INSR: variants seen among roughly 807,000 people sequenced by gnomAD.
The protein encoded by INSR is insulin receptor, also known as IR.
INSR carries 67 observed loss-of-function variants against 142.6 expected under a neutral mutation model. The ratio of observed to expected loss-of-function variants is 0.47; its 90% CI spans 0.39 to 0.58. The LOEUF (loss-of-function observed/expected upper bound fraction) is 0.58, where lower values mean the gene tolerates loss of function less well. INSR is among the 20% of genes least tolerant of loss of function. The pLI, the probability that INSR is intolerant of heterozygous loss-of-function variation, is 0.00. For missense variants in INSR, 1,248 were observed against 1,833.2 expected, an observed-to-expected ratio of 0.68 and a Z score of 5.83; for synonymous variants, 756 against 743.1, an observed-to-expected ratio of 1.02 and a Z score of -0.28.
At chr19:7,164,600 C>G (rs1973844493) in intron 8 of INSR, among the ~76,000 whole-genome samples, 1 of 138,656 alleles carries the variant, frequency 7.2e-6, no homozygotes, top group African/African-American at 2.8e-5. Context: ...GGCGGATCAC[C>G]TGAGGCTCGG....
At chr19:7,190,146 A>G (rs1447743544) in intron 2 of INSR, among the ~76,000 whole-genome samples, 2 of 151,904 alleles carry the variant, frequency 1.3e-5, no homozygotes, top group African/African-American at 4.8e-5. Flanking sequence ...CAGGCATTCG[A>G]GACCAGCCTG....
intron 2 of INSR, among the ~76,000 whole-genome samples, chr19:7,186,750 G>A (rs1359767838): frequency 1.3e-5 from 2 of 151,758 alleles, no homozygotes; most frequent in Admixed American, 1.3e-4. Context: ...TGTTGCCCAG[G>A]CTGGGGTGCA....
At chr19:7,191,076 C>A (rs1974571391) in intron 2 of INSR, among the ~76,000 whole-genome samples, 1 of 152,072 alleles carries the variant, frequency 6.6e-6, no homozygotes, top group African/African-American at 2.4e-5. Flanking sequence ...GCAGGTGGAT[C>A]ACCTGAGGTC....
chr19:7,213,083 C>G (rs543716386), intron 2 of INSR, among the ~76,000 whole-genome samples: 1 of 152,102 alleles, frequency 6.6e-6, no homozygotes, highest in African/African-American at 2.4e-5. Context: ...CGGTGGCTCA[C>G]GCCTGTAATC....
At chr19:7,141,638 G>A in intron 13 of INSR, 39 bp downstream of exon 13, 1 of 1,613,188 alleles carries the variant, frequency 6.2e-7, no homozygotes, top group Non-Finnish European at 8.5e-7. Context: ...GGGGCATGCT[G>A]AAGTGTGCAG....
At chr19:7,172,878 C>CAAAA (rs61587971) in intron 4 of INSR, among the ~76,000 whole-genome samples, 11 of 143,116 alleles carry the variant, frequency 7.7e-5, no homozygotes, top group South Asian at 2.2e-4. Context: ...ACTAAAACTA[C>CAAAA]AAAAAAAAAA....
At chr19:7,142,389 CAAAAAAAAAAAA>C in intron 12 of INSR, among the ~76,000 whole-genome samples, 1 of 42,142 alleles carries the variant, frequency 2.4e-5, no homozygotes, top group African/African-American at 1.0e-4. Flanking sequence ...GACTTCATCT[CAAAAAAAAAAAA>C]AAAAAAAAAA....
At chr19:7,224,431 G>A (rs1975716372) in intron 2 of INSR, among the ~76,000 whole-genome samples, 2 of 152,138 alleles carry the variant, frequency 1.3e-5, no homozygotes, top group East Asian at 1.9e-4. Context: ...AAGTAAACAC[G>A]GGAAGCTCTG....
chr19:7,135,227 C>CCTA (rs1972884354), intron 13 of INSR, among the ~76,000 whole-genome samples: 1 of 150,176 alleles, frequency 6.7e-6, no homozygotes, highest in African/African-American at 2.5e-5. Flanking sequence ...GAATGAGTCA[C>CCTA]CGAGTAGAGA....
chr19:7,131,676 T>G (rs1972784618), intron 14 of INSR, among the ~76,000 whole-genome samples: 1 of 130,726 alleles, frequency 7.6e-6, no homozygotes. Flanking sequence ...ACTGCACAGG[T>G]ACCTCTGAAA....
rs1452683298 is a variant in INSR at position 7,216,196 on chromosome 19, C to T, written c.653-31559G>A. ...AAAATTAGCCAGGTGTGGTGGCGTG[C>T]ACCTGTAATCCCAGCTACTTGGGAG... On this transcript the variant is annotated intron_variant, in intron 2 of 21. Transcript: ENST00000302850. The surrounding 1 kb of genome is among the most constrained non-coding windows in gnomAD (Gnocchi z 4.2). Among the ~76,000 whole-genome samples, 3 of 152,046 alleles carry T rather than the reference C, an allele frequency of 2.0e-5. No homozygotes were observed. The highest frequency in any genetic ancestry group is 2.9e-5 in the Non-Finnish European group (2 of 68,014).
intron 1 of INSR, among the ~76,000 whole-genome samples, chr19:7,278,549 C>T (rs1245193315): frequency 6.6e-6 from 1 of 152,180 alleles, no homozygotes; most frequent in African/African-American, 2.4e-5. Context: ...AACAGGATAC[C>T]ACAGGGTAAC....
intron 2 of INSR, among the ~76,000 whole-genome samples, chr19:7,232,669 G>C (rs534972524): frequency 2.6e-5 from 4 of 152,032 alleles, no homozygotes; most frequent in Admixed American, 2.6e-4. Context: ...AATCAGCCAG[G>C]CGTGGTGGCA....
chr19:7,288,658 G>GAA (rs57281993), intron 1 of INSR, among the ~76,000 whole-genome samples: 29 of 97,106 alleles, frequency 3.0e-4, no homozygotes, highest in Middle Eastern at 6.8e-3. Flanking sequence ...ATAAAAATTG[G>GAA]AAAAAAAAAA....
intron 13 of INSR, among the ~76,000 whole-genome samples, chr19:7,138,749 G>A (rs1469401): frequency 6.6e-6 from 1 of 152,130 alleles, no homozygotes. Flanking sequence ...TTCTCCAATG[G>A]ATGGACATCT....
At chr19:7,256,931 CTTTTTTTTTTT>C (rs772500676) in intron 2 of INSR, among the ~76,000 whole-genome samples, 2 of 109,462 alleles carry the variant, frequency 1.8e-5, no homozygotes, top group African/African-American at 7.0e-5. Flanking sequence ...TCTACCCTAC[CTTTTTTTTTTT>C]TTTTTTTTTT....
chr19:7,170,795 T>C lies in INSR; in HGVS notation c.1269-44A>G, dbSNP rs755022075. On this transcript the variant is annotated intron_variant, in intron 5 of 21. Transcript: ENST00000302850. ...CATCTAGTCATTCAACGGCTGGTCT[T>C]CTACAACTCCAAGATGGTGTGGCCA... 4.8e-6 allele frequency: 7 copies of C among 1,451,058 alleles called. No individual in the cohort carries two copies. The South Asian group carries it at 5.7e-5, about 12-fold the overall frequency. The allele number at this position is 1,451,058 out of a possible 1,614,324, so 89.9% of individuals were successfully genotyped here. A position where few individuals can be genotyped will look rare whatever the true frequency, so the allele number is the denominator to read the frequency against.
chr19:7,200,939 G>C (rs1407301096), intron 2 of INSR, among the ~76,000 whole-genome samples: 4 of 151,222 alleles, frequency 2.6e-5, no homozygotes, highest in Non-Finnish European at 5.9e-5. Context: ...CCGAGTCACA[G>C]CTCTAACCAC....
intron 11 of INSR, among the ~76,000 whole-genome samples, chr19:7,148,858 G>A (rs950430921): frequency 2.7e-5 from 4 of 150,680 alleles, no homozygotes; most frequent in African/African-American, 4.9e-5. Flanking sequence ...GCAGTGGCAC[G>A]ATCTTGGCTC....
Sources: gnomAD v4.1 joint callset for allele counts (sites outside exome capture counted in the v4.1 genomes callset) on GRCh38, gnomAD v4.1.1 for gene constraint, Gnocchi (gnomAD v3.1) non-coding constraint, MANE v1.5 for transcripts, NCBI Gene and HGNC (gene_info 2026-07-23, HGNC 2026-07-21) for gene names.